Variants in SLC16A12 observed in about 807,000 individuals in gnomAD.
SLC16A12 encodes the protein solute carrier family 16 member 12, also known as monocarboxylate transporter 12.
A neutral mutation model predicts 42.4 loss-of-function variants in SLC16A12; 17 were observed. The observed-to-expected ratio is 0.40, with a 90% CI of 0.27 to 0.60. The LOEUF is 0.60. SLC16A12 is among the 20% of genes least tolerant of loss of function. SLC16A12 has a pLI of 0.42. For missense variants in SLC16A12, 544 were observed against 623.0 expected (o/e 0.87, Z 1.35); for synonymous variants, 224 against 229.4 (o/e 0.98, Z 0.21).
Position 89,438,858 on chromosome 10 carries a change from C to T in SLC16A12, c.774G>A (p.Leu258=). Residue 258 remains leucine, a synonymous_variant, in exon 6 of 8, where the codon TTG becomes TTA. Coordinates refer to ENST00000371790, the MANE Select transcript of SLC16A12 (RefSeq NM_213606.4). The part of the protein sequence containing the change: ...DIKRVSPYSS[L]TKEWAQTCLC... ...GGCAAGTCTGTGCCCATTCTTTGGT[C>T]AAAGATGAATAGGGAGACACCCGCT... 1.2e-6 allele frequency: 2 copies of T among 1,614,144 alleles called. No homozygotes were observed. Among genetic ancestry groups the T allele is most frequent in the Non-Finnish European group, 1.7e-6 (2 of 1,180,022 alleles).
intron 2 of SLC16A12, among the ~76,000 whole-genome samples, chr10:89,548,968 A>G (rs1040815140): frequency 5.3e-5 from 8 of 152,240 alleles, no homozygotes; most frequent in African/African-American, 1.9e-4. Flanking sequence ...GATAATGAGC[A>G]GGACCTGCTC....
intron 2 of SLC16A12, among the ~76,000 whole-genome samples, chr10:89,480,084 AAAAG>A (rs1355636603): frequency 6.6e-5 from 10 of 152,196 alleles, no homozygotes; most frequent in Non-Finnish European, 1.5e-4. Flanking sequence ...TTAAAAATAA[AAAAG>A]AAACCCACAT....
Position 89,548,308 on chromosome 10 carries a change from T to G in SLC16A12, c.-47+7574A>C, listed in dbSNP as rs79071921. 7.1e-3 allele frequency among the ~76,000 whole-genome samples: 1,078 copies of G among 152,224 alleles called. 16 individuals are homozygous for G. Among genetic ancestry groups the G allele is most frequent in the African/African-American group, 0.025 (1,024 of 41,520 alleles). On this transcript the variant is annotated intron_variant, in intron 2 of 2. Transcript: ENST00000475682. ...CAGAGAAAGAAAAGGTAGCAGCATGTGAACTGTTCAATATTGAACACATGG... is the reference window on the plus strand; with the variant it reads ...CAGAGAAAGAAAAGGTAGCAGCATGGGAACTGTTCAATATTGAACACATGG...
At position 89,472,487 on chromosome 10, in the gene SLC16A12, C is replaced by CTTTTTTTTTT. The variant is rs71022567; in HGVS notation, c.-46-9873_-46-9864dup. Among the ~76,000 whole-genome samples, 369 of 89,886 alleles carry CTTTTTTTTTT rather than the reference C, an allele frequency of 4.1e-3. 1 individual carries two copies. The highest frequency in any genetic ancestry group is 5.4e-3 in the Non-Finnish European group (248 of 45,788). The allele number at this position is 89,886 out of a possible 152,430, so 59.0% of individuals were successfully genotyped here. On this transcript the variant is annotated intron_variant, in intron 2 of 7. Coordinates refer to ENST00000371790, the MANE Select transcript of SLC16A12 (RefSeq NM_213606.4). ...TTTTTTCTTTTCTTTTCTTTTCTTT[C>CTTTTTTTTTT]TTTTTTTTTTTTTTTTTTTTTTTGA...
intron 2 of SLC16A12, among the ~76,000 whole-genome samples, chr10:89,532,020 G>A (rs1414308785): frequency 6.6e-6 from 1 of 152,166 alleles, no homozygotes; most frequent in Non-Finnish European, 1.5e-5. Context: ...TCAGAGGCAT[G>A]TTCTGTGTCT....
At chr10:89,513,008 A>C (rs1484230797) in intron 2 of SLC16A12, among the ~76,000 whole-genome samples, 1 of 152,202 alleles carries the variant, frequency 6.6e-6, no homozygotes, top group African/African-American at 2.4e-5. Context: ...AGGACTACTC[A>C]GTGTGGAAAA....
intron 2 of SLC16A12, among the ~76,000 whole-genome samples, chr10:89,554,087 A>AAGGAAGGAAGGAAGGAAGGAAG (rs1843790266): frequency 1.4e-3 from 48 of 34,228 alleles, no homozygotes; most frequent in African/African-American, 2.1e-3. Context: ...AAAGAAAGAA[A>AAGGAAGGAAGGAAGGAAGGAAG]GAAAGAAAGA....
intron 3 of SLC16A12, among the ~76,000 whole-genome samples, chr10:89,454,700 C>T (rs1334918679): frequency 1.3e-5 from 2 of 151,552 alleles, no homozygotes; most frequent in Admixed American, 1.3e-4. Context: ...ATTCTTTAGT[C>T]TCAAGATAAC....
At chr10:89,527,643 A>AAC (rs1358600318) in intron 2 of SLC16A12, among the ~76,000 whole-genome samples, 1 of 151,616 alleles carries the variant, frequency 6.6e-6, no homozygotes, top group African/African-American at 2.4e-5. Flanking sequence ...TTTCTACAAA[A>AAC]AAAAAAAAAA....
chr10:89,539,883 TTC>T (rs375695061), upstream of SLC16A12, among the ~76,000 whole-genome samples: 4 of 144,752 alleles, frequency 2.8e-5, no homozygotes, highest in African/African-American at 5.6e-5. Context: ...CTTTCTTTCT[TTC>T]TTTCTTTCTT....
rs1215065575 is a variant in SLC16A12 at position 89,491,396 on chromosome 10, CA to C, written c.-46-28773del. 4.6e-5 allele frequency among the ~76,000 whole-genome samples: 7 copies of C among 151,980 alleles called. 1 individual carries two copies. The highest frequency in any genetic ancestry group is 4.6e-4 in the Admixed American group (7 of 15,256). ...AAAAATAAAAACAAAAAACAAAAAA[CA>C]AAACAAAACATAAAATCACCTACTA... On this transcript the variant is annotated intron_variant, in intron 2 of 7. Coordinates refer to ENST00000371790, the MANE Select transcript of SLC16A12 (RefSeq NM_213606.4).
intron 3 of SLC16A12, among the ~76,000 whole-genome samples, chr10:89,458,332 C>T (rs1371956044): frequency 1.3e-5 from 2 of 152,198 alleles, no homozygotes; most frequent in East Asian, 3.8e-4. Context: ...GTTTCATGCT[C>T]TTCATGGTTC....
intron 2 of SLC16A12, among the ~76,000 whole-genome samples, chr10:89,533,283 T>C (rs568055337): frequency 6.6e-6 from 1 of 152,104 alleles, no homozygotes; most frequent in Admixed American, 6.5e-5. Context: ...CTCTTGTACC[T>C]GCCTAAGAAA....
At chr10:89,539,429 A>T (rs1268612425), upstream of SLC16A12, among the ~76,000 whole-genome samples, 1 of 152,182 alleles carries the variant, frequency 6.6e-6, no homozygotes, top group African/African-American at 2.4e-5. Flanking sequence ...CCAATAAATA[A>T]CACGTGTGTT....
rs1342455444 is a variant in SLC16A12 at position 89,478,709 on chromosome 10, G to A, written c.-46-16085C>T. Among the ~76,000 whole-genome samples, 9 of 152,120 alleles carry A rather than the reference G, an allele frequency of 5.9e-5. No individual in the cohort carries two copies. In the South Asian group the frequency reaches 8.3e-4, roughly 14 times the overall value. On this transcript the variant is annotated intron_variant, in intron 2 of 7. Transcript: ENST00000371790. Reference sequence around the variant, plus strand: ...CTATAAAATCTGCATCTCTGCTTCCGATCTTTCTCCCAAGTTACAGACTCA... The same window carrying A: ...CTATAAAATCTGCATCTCTGCTTCCAATCTTTCTCCCAAGTTACAGACTCA...
intron 1 of SLC16A12, among the ~76,000 whole-genome samples, chr10:89,535,190 C>T (rs942929907): frequency 6.6e-6 from 1 of 151,936 alleles, no homozygotes; most frequent in Admixed American, 6.6e-5. Context: ...GAGATCAAAG[C>T]CGCTCGTTCT....
At chr10:89,495,544 CA>C (rs1270692309) in intron 2 of SLC16A12, among the ~76,000 whole-genome samples, 1 of 152,168 alleles carries the variant, frequency 6.6e-6, no homozygotes, top group East Asian at 1.9e-4. Flanking sequence ...ATACATCCAT[CA>C]AAAACTGAAA....
intron 2 of SLC16A12, among the ~76,000 whole-genome samples, chr10:89,478,120 C>G (rs1842607889): frequency 6.6e-6 from 1 of 152,070 alleles, no homozygotes; most frequent in African/African-American, 2.4e-5. Context: ...TGCCTTGGGT[C>G]TAGTAACAGT....
At chr10:89,553,981 C>A (rs570172561) in intron 2 of SLC16A12, among the ~76,000 whole-genome samples, 2 of 142,330 alleles carry the variant, frequency 1.4e-5, no homozygotes, top group Non-Finnish European at 3.0e-5. Context: ...GGCAACAGAG[C>A]GAGACTCCAT....
Sources: gnomAD v4.1 joint callset for allele counts (sites outside exome capture counted in the v4.1 genomes callset) on GRCh38, gnomAD v4.1.1 for gene constraint, MANE v1.5 for transcripts, NCBI Gene and HGNC (gene_info 2026-07-23, HGNC 2026-07-21) for gene names.